The following CAND2 variants were observed in gnomAD, a reference collection of about 807,000 sequenced individuals.
CAND2 encodes the protein cullin associated and neddylation dissociated 2 (putative).
A neutral mutation model predicts 98.9 loss-of-function variants in CAND2; 62 were observed. The observed-to-expected ratio is 0.63, with a 90% CI of 0.51 to 0.77. The LOEUF (loss-of-function observed/expected upper bound fraction) is 0.77. Among genes scored for constraint, CAND2 ranks in the 30% least tolerant of loss-of-function variants. CAND2 has a pLI of 0.00. For missense variants in CAND2, 1,501 were observed against 1,655.2 expected, an observed-to-expected ratio of 0.91 and a Z score of 1.62; for synonymous variants, 770 against 731.9, an observed-to-expected ratio of 1.05 and a Z score of -0.84.
At chr3:12,816,268 T>C in intron 9 of CAND2, 106 bp from the exon 10 acceptor site, 1 of 1,148,682 alleles carries the variant, frequency 8.7e-7, no homozygotes, top group East Asian at 2.4e-5. Context: ...AGAGTTTAGG[T>C]GCTTCAGTCC....
chr3:12,827,295 AGCAAAG>A, intron 12 of CAND2, 139 bp from the exon 13 acceptor site: 1 of 652,866 alleles, frequency 1.5e-6, no homozygotes, highest in Non-Finnish European at 2.6e-6. Context: ...CTGCAGGCTG[AGCAAAG>A]GCATGGAGAC....
rs754411368 is a variant in CAND2 at position 12,810,215 on chromosome 3, C to T, written c.648C>T (p.Asp216=). ...CSTDLFVELA[D]HLLDRLPGPR... ...CCGACCTCTTCGTCGAGCTCGCTGA[C>T]CACCTACTGGACCGGCTGCCCGGCC... The change falls in exon 5 of 15, where the codon GAC becomes GAT. Residue 216 remains aspartate, a synonymous_variant. Coordinates refer to ENST00000456430, the MANE Select transcript of CAND2 (RefSeq NM_001162499.2). 3.2e-6 allele frequency: 5 copies of T among 1,543,912 alleles called. No individual in the cohort carries two copies. The South Asian group carries it at 4.8e-5, about 15-fold the overall frequency.
Position 12,834,055 on chromosome 3 carries a change from C to T in CAND2, c.*73C>T, listed in dbSNP as rs1177703269. The T allele has an allele frequency of 6.5e-6, 8 of 1,231,022 alleles. No individual in the cohort carries two copies. Among genetic ancestry groups the T allele is most frequent in the Non-Finnish European group, 9.5e-6 (8 of 843,578 alleles). 76.3% of individuals were successfully genotyped at this position (1,231,022 alleles called of 1,614,324 possible). A position where few individuals can be genotyped will look rare whatever the true frequency, so the allele number is the denominator to read the frequency against. The stretch of plus-strand genomic sequence containing the variant: ...CCAAGTCCGAGGCCTCCCCATCCCA[C>T]CATCGCAGGTCTCTACTTTTGCCCT... On this transcript the variant is annotated 3_prime_UTR_variant, in exon 15 of 15. Coordinates refer to ENST00000456430, the MANE Select transcript of CAND2 (RefSeq NM_001162499.2).
Position 12,817,233 on chromosome 3 carries a change from C to A in CAND2, c.2301C>A (p.Thr767=), listed in dbSNP as rs1314641572. 6.2e-7 allele frequency: 1 copy of A among 1,613,710 alleles called. No individual in the cohort carries two copies. The highest frequency in any genetic ancestry group is 8.5e-7 in the Non-Finnish European group (1 of 1,180,040). The change falls in exon 10 of 15, where the codon ACC becomes ACA. Residue 767 remains threonine, a synonymous_variant. Transcript: ENST00000456430. ...AEGFLQALVG[T]RPPCVDYAKL... ...GCTTCCTGCAGGCCCTGGTAGGGAC[C>A]CGTCCCCCGTGTGTGGACTATGCCA...
chr3:12,798,552 A>G lies in CAND2; in HGVS notation c.68+1764A>G, dbSNP rs1039146406. Among the ~76,000 whole-genome samples the G allele has an allele frequency of 6.6e-5, 10 of 151,970 alleles. No homozygotes were observed. In the East Asian group the frequency reaches 1.9e-3, roughly 29 times the overall value. On this transcript the variant is annotated intron_variant, in intron 1 of 14. Transcript: ENST00000456430. ...CTCAGTCCACCCATGGGTGGTAGTG[A>G]TTGTTCTTCCTGTTTTCCGGAGGCT...
chr3:12,812,438 C>A (rs940378476), intron 5 of CAND2, among the ~76,000 whole-genome samples: 5 of 125,190 alleles, frequency 4.0e-5, no homozygotes, highest in South Asian at 2.5e-4. Flanking sequence ...CGCTCTGTCG[C>A]CCAGGCCAGA....
chr3:12,817,430 C>T lies in CAND2; in HGVS notation c.2498C>T (p.Pro833Leu), dbSNP rs376466326. 101 of 1,613,630 alleles carry T rather than the reference C, an allele frequency of 6.3e-5. No individual in the cohort carries two copies. In the African/African-American group the frequency reaches 1.1e-3, roughly 17 times the overall value. Reference protein sequence around the residue: ...ASRLVCDARSPHSSTGVKVLA... With the variant: ...ASRLVCDARSLHSSTGVKVLA... ...CGCCTGGTCTGCGATGCCAGGTCGC[C>T]CCACTCCAGCACGGGGGTCAAGGTC... The change falls in exon 10 of 15, where the codon CCC becomes CTC. Residue 833 changes from proline to leucine, a missense_variant. Pro to Leu is a moderately conservative substitution (Grantham distance 98). Coordinates refer to ENST00000456430, the MANE Select transcript of CAND2 (RefSeq NM_001162499.2).
chr3:12,822,871 T>C (rs993344588), intron 11 of CAND2, among the ~76,000 whole-genome samples: 23 of 152,262 alleles, frequency 1.5e-4, no homozygotes, highest in Admixed American at 1.2e-3. Context: ...TACATGTGCT[T>C]CCAGATGCAC....
chr3:12,806,958 A>G (rs2061811228), intron 2 of CAND2, among the ~76,000 whole-genome samples: 1 of 145,528 alleles, frequency 6.9e-6, no homozygotes, highest in Admixed American at 6.7e-5. Context: ...ACACCTAGAT[A>G]TAGCCCTCCT....
rs749753502 is a variant in CAND2 at position 12,813,229 on chromosome 3, C to T, written c.864-17C>T. On this transcript the variant is annotated splice_polypyrimidine_tract_variant and intron_variant, in intron 6 of 14. Coordinates refer to ENST00000456430, the MANE Select transcript of CAND2 (RefSeq NM_001162499.2). The stretch of plus-strand genomic sequence containing the variant: ...CCTGGCTGGATCCAGCAAAGCATTC[C>T]TCATCCTGCCCCACAGGTGCCCCAA... The T allele has an allele frequency of 6.2e-7, 1 of 1,611,716 alleles. No homozygotes were observed. The highest frequency in any genetic ancestry group is 8.5e-7 in the Non-Finnish European group (1 of 1,179,156).
chr3:12,829,022 C>G (rs576214635), intron 13 of CAND2, among the ~76,000 whole-genome samples: 10 of 152,318 alleles, frequency 6.6e-5, no homozygotes, highest in Non-Finnish European at 1.3e-4. Context: ...CCTAGGTGTT[C>G]CGATATCCTT....
In CAND2 at chr3:12,825,108, AT is replaced by A. The variant is rs1242856390; in HGVS notation, c.3041-355del. On this transcript the variant is annotated intron_variant, in intron 11 of 14. Coordinates refer to ENST00000456430, the MANE Select transcript of CAND2 (RefSeq NM_001162499.2). The stretch of plus-strand genomic sequence containing the variant: ...TTTAATGCATTACCACATTCAAAAA[AT>A]TTTTTTCTTTTTTTTTTTTTCAAGA... Among the ~76,000 whole-genome samples, 252 of 147,318 alleles carry A rather than the reference AT, an allele frequency of 1.7e-3. 3 individuals are homozygous for A. The highest frequency in any genetic ancestry group is 6.2e-3 in the African/African-American group (245 of 39,718).
chr3:12,812,098 G>A (rs2061855836), intron 5 of CAND2, among the ~76,000 whole-genome samples: 2 of 149,670 alleles, frequency 1.3e-5, no homozygotes, highest in African/African-American at 4.9e-5. Context: ...TAGTAGAGAT[G>A]GAGTTTCACC....
At chr3:12,820,761 C>T (rs1380584440) in intron 11 of CAND2, among the ~76,000 whole-genome samples, 1 of 152,202 alleles carries the variant, frequency 6.6e-6, no homozygotes, top group Non-Finnish European at 1.5e-5. Context: ...AGCCCTCGCC[C>T]CTTCAGAGCT....
intron 1 of CAND2, among the ~76,000 whole-genome samples, chr3:12,798,967 T>C (rs2061746675): frequency 6.6e-6 from 1 of 152,086 alleles, no homozygotes; most frequent in African/African-American, 2.4e-5. Flanking sequence ...AGGGAGACCT[T>C]TGTTTCCTGT....
intron 13 of CAND2, among the ~76,000 whole-genome samples, chr3:12,828,717 T>TC (rs2062025843): frequency 6.6e-6 from 1 of 152,176 alleles, no homozygotes; most frequent in African/African-American, 2.4e-5. Flanking sequence ...GTCACCACTG[T>TC]CCATCTCAGA....
Position 12,815,549 on chromosome 3 carries a change from G to A in CAND2, c.1299+116G>A, listed in dbSNP as rs1247428080. The A allele has an allele frequency of 9.0e-7, 1 of 1,115,956 alleles. No individual in the cohort carries two copies. Among genetic ancestry groups the A allele is most frequent in the Admixed American group, 2.5e-5 (1 of 39,680 alleles). The allele number at this position is 1,115,956 out of a possible 1,614,324, so 69.1% of individuals were successfully genotyped here. ...GAACATCCAGCCATGGAAGGGAAGG[G>A]AAGGGGTCCCTGGGGTGGGGGGCGG... On this transcript the variant is annotated intron_variant, in intron 8 of 14. Coordinates refer to ENST00000456430, the MANE Select transcript of CAND2 (RefSeq NM_001162499.2). The surrounding 1 kb of genome is among the most constrained non-coding windows in gnomAD (Gnocchi z 5.7).
At chr3:12,809,692 T>A (rs1254659274) in intron 4 of CAND2, among the ~76,000 whole-genome samples, 1 of 151,964 alleles carries the variant, frequency 6.6e-6, no homozygotes, top group African/African-American at 2.4e-5. Flanking sequence ...AGAAGTAGAC[T>A]TTATACTGCT....
At chr3:12,803,720 C>A in intron 2 of CAND2, 89 bp downstream of exon 2, 1 of 1,228,514 alleles carries the variant, frequency 8.1e-7, no homozygotes. Flanking sequence ...GGTACAGCCT[C>A]GCAGAGGAGA....
Sources: gnomAD v4.1 joint callset for allele counts (sites outside exome capture counted in the v4.1 genomes callset) on GRCh38, gnomAD v4.1.1 for gene constraint, Gnocchi (gnomAD v3.1) non-coding constraint, MANE v1.5 for transcripts, NCBI Gene and HGNC (gene_info 2026-07-23, HGNC 2026-07-21) for gene names.